The following CSMD3 variants were observed in gnomAD, a reference collection of about 807,000 sequenced individuals.
CSMD3 encodes CUB and sushi domain-containing protein 3.
In CSMD3, 177 loss-of-function variants were observed where a neutral mutation model predicts 435.2. The ratio of observed to expected loss-of-function variants is 0.41; its 90% CI spans 0.36 to 0.46. The LOEUF (loss-of-function observed/expected upper bound fraction) is 0.46, where lower values mean the gene tolerates loss of function less well. Among genes scored for constraint, CSMD3 ranks in the 20% least tolerant of loss-of-function variants. CSMD3 has a pLI of 0.34. For missense variants in CSMD3, 4,265 were observed against 4,504.6 expected, an observed-to-expected ratio of 0.95 and a Z score of 1.52; for synonymous variants, 1,656 against 1,520.5, an observed-to-expected ratio of 1.09 and a Z score of -2.07.
chr8:113,359,569 G>A (rs1476251460), intron 1 of CSMD3, among the ~76,000 whole-genome samples: 1 of 152,174 alleles, frequency 6.6e-6, no homozygotes, highest in African/African-American at 2.4e-5. Flanking sequence ...TCTAGAAAGA[G>A]GGCAGGAACT....
chr8:112,435,653 T>C lies in CSMD3; in HGVS notation c.5396-26621A>G, dbSNP rs145898320. On this transcript the variant is annotated intron_variant, in intron 32 of 70. Coordinates refer to ENST00000297405, the MANE Select transcript of CSMD3 (RefSeq NM_198123.2). ...TAAAATGTTTTTTGGTAAGTAATCA[T>C]TTTTCACAGCAGTTAGTGGAATGCC... Among the ~76,000 whole-genome samples, 563 of 152,122 alleles carry C rather than the reference T, an allele frequency of 3.7e-3. 5 individuals carry two copies. Among genetic ancestry groups the C allele is most frequent in the African/African-American group, 0.013 (533 of 41,520 alleles).
chr8:112,549,481 G>A (rs1454193961), intron 27 of CSMD3, among the ~76,000 whole-genome samples: 2 of 151,988 alleles, frequency 1.3e-5, no homozygotes, highest in Non-Finnish European at 2.9e-5. Context: ...GTTTGTGTTA[G>A]TAGGGAGAAT....
intron 1 of CSMD3, among the ~76,000 whole-genome samples, chr8:113,344,030 T>C (rs570715104): frequency 3.0e-4 from 46 of 152,304 alleles, no homozygotes; most frequent in Admixed American, 3.0e-3. Flanking sequence ...TTTAGGTATA[T>C]AGGTATTTCT....
intron 50 of CSMD3, among the ~76,000 whole-genome samples, chr8:112,306,619 G>T (rs1821444936): frequency 6.6e-6 from 1 of 152,096 alleles, no homozygotes; most frequent in Admixed American, 6.6e-5. Context: ...CAACCAATAT[G>T]AATCATAATT....
intron 9 of CSMD3, among the ~76,000 whole-genome samples, chr8:112,932,386 T>A (rs2083137848): frequency 6.6e-6 from 1 of 152,160 alleles, no homozygotes; most frequent in Non-Finnish European, 1.5e-5. Context: ...AAGCTAAAAA[T>A]GTTCATCTCA....
At chr8:113,409,710 G>A (rs2094549500) in intron 1 of CSMD3, among the ~76,000 whole-genome samples, 2 of 152,034 alleles carry the variant, frequency 1.3e-5, no homozygotes, top group African/African-American at 4.8e-5. Flanking sequence ...AAGCCATTTG[G>A]TCACTTCCGC....
At chr8:112,615,107 C>T (rs1378226784) in intron 22 of CSMD3, among the ~76,000 whole-genome samples, 1 of 151,916 alleles carries the variant, frequency 6.6e-6, no homozygotes, top group Non-Finnish European at 1.5e-5. Flanking sequence ...GAATATAGAA[C>T]CAATGACAAT....
chr8:112,285,766 C>T (rs1403054817), intron 58 of CSMD3, among the ~76,000 whole-genome samples: 1 of 151,960 alleles, frequency 6.6e-6, no homozygotes, highest in East Asian at 1.9e-4. Context: ...GTCACCTAGG[C>T]TAGAGTGCAG....
At chr8:112,871,541 C>A (rs748056803) in intron 10 of CSMD3, among the ~76,000 whole-genome samples, 2 of 151,876 alleles carry the variant, frequency 1.3e-5, no homozygotes, top group Non-Finnish European at 2.9e-5. Flanking sequence ...GAAGTTAGAG[C>A]GCTGTTGTTT....
intron 3 of CSMD3, among the ~76,000 whole-genome samples, chr8:113,221,358 C>T (rs2092964202): frequency 6.7e-6 from 1 of 149,588 alleles, no homozygotes; most frequent in South Asian, 2.1e-4. Context: ...CACAGTTACA[C>T]ACACACACAC....
At chr8:112,963,164 G>T (rs544866611) in intron 7 of CSMD3, among the ~76,000 whole-genome samples, 1 of 151,948 alleles carries the variant, frequency 6.6e-6, no homozygotes, top group Non-Finnish European at 1.5e-5. Context: ...TAATTAAAGG[G>T]CATTTGTCTT....
chr8:112,669,087 C>A (rs996589372), intron 16 of CSMD3, among the ~76,000 whole-genome samples: 2 of 151,600 alleles, frequency 1.3e-5, no homozygotes, highest in African/African-American at 4.8e-5. Flanking sequence ...GGCTGGAGTG[C>A]AATTGCACAA....
At chr8:113,360,524 A>C (rs538916263) in intron 1 of CSMD3, among the ~76,000 whole-genome samples, 26 of 151,270 alleles carry the variant, frequency 1.7e-4, no homozygotes, top group Non-Finnish European at 2.5e-4. Flanking sequence ...CTATAAACTT[A>C]AGTATTTATT....
At chr8:113,065,064 AGTT>A (rs1357022203) in intron 5 of CSMD3, among the ~76,000 whole-genome samples, 3 of 152,196 alleles carry the variant, frequency 2.0e-5, no homozygotes, top group African/African-American at 4.8e-5. Context: ...ACAGCTATAT[AGTT>A]GACAATATTG....
chr8:112,513,895 G>T (rs1007644713), intron 28 of CSMD3, among the ~76,000 whole-genome samples: 4 of 152,004 alleles, frequency 2.6e-5, no homozygotes, highest in Non-Finnish European at 5.9e-5. Context: ...AGGAACATTG[G>T]TCTTTTTTAT....
At chr8:113,289,063 T>G (rs1027309964) in intron 2 of CSMD3, among the ~76,000 whole-genome samples, 2 of 151,838 alleles carry the variant, frequency 1.3e-5, no homozygotes, top group Admixed American at 1.3e-4. Context: ...TTCCATTTAC[T>G]GTTGTGTGAC....
rs559615676 is a variant in CSMD3 at position 112,263,944 on chromosome 8, T to C, written c.9689-132A>G. On this transcript the variant is annotated intron_variant, in intron 60 of 70. Coordinates refer to ENST00000297405, the MANE Select transcript of CSMD3 (RefSeq NM_198123.2). The stretch of plus-strand genomic sequence containing the variant: ...CGAGGACAATATGTTGTGACATATC[T>C]TATTCTCCTGGTAGTGTTCCTGAGT... 8.3e-4 allele frequency: 685 copies of C among 824,366 alleles called. 2 individuals are homozygous for C. The highest frequency in any genetic ancestry group is 6.4e-4 in the Non-Finnish European group (316 of 493,468). The allele number at this position is 824,366 out of a possible 1,614,324, so 51.1% of individuals were successfully genotyped here. A position where few individuals can be genotyped will look rare whatever the true frequency, so the allele number is the denominator to read the frequency against.
At position 112,721,781 on chromosome 8, in the gene CSMD3, A is replaced by G. The variant is rs968409166; in HGVS notation, c.1973-31731T>C. Among the ~76,000 whole-genome samples the G allele has an allele frequency of 2.0e-5, 3 of 152,154 alleles. No individual in the cohort carries two copies. In the South Asian group the frequency reaches 6.2e-4, roughly 32 times the overall value. On this transcript the variant is annotated intron_variant, in intron 13 of 70. Transcript: ENST00000297405. ...TAATGTTTCCTACATTTTGACAACCAGCGATTAGCCTCCCAAATATCATCA... is the reference window on the plus strand; with the variant it reads ...TAATGTTTCCTACATTTTGACAACCGGCGATTAGCCTCCCAAATATCATCA...
At chr8:112,346,631 T>G (rs922941190) in intron 40 of CSMD3, among the ~76,000 whole-genome samples, 3 of 151,022 alleles carry the variant, frequency 2.0e-5, no homozygotes, top group African/African-American at 7.3e-5. Flanking sequence ...AGTACTGTAT[T>G]CAAGAGGAAA....
Sources: gnomAD v4.1 joint callset for allele counts (sites outside exome capture counted in the v4.1 genomes callset) on GRCh38, gnomAD v4.1.1 for gene constraint, MANE v1.5 for transcripts, NCBI Gene and HGNC (gene_info 2026-07-23, HGNC 2026-07-21) for gene names.